The following PDZRN3 variants were observed in gnomAD, a reference collection of about 807,000 sequenced individuals.
PDZRN3 encodes E3 ubiquitin-protein ligase PDZRN3.
Under a neutral mutation model 85.7 loss-of-function variants are expected in PDZRN3, and 38 were observed. The observed-to-expected ratio is 0.44, with a 90% CI of 0.34 to 0.58. The LOEUF (loss-of-function observed/expected upper bound fraction) is 0.58, where lower values mean the gene tolerates loss of function less well. Among genes scored for constraint, PDZRN3 ranks in the 20% least tolerant of loss-of-function variants. The probability of loss-of-function intolerance (pLI) is 0.01; values close to 1 mark genes in which losing one functional copy is unlikely to be tolerated. For synonymous variants in PDZRN3, 759 were observed against 638.0 expected (o/e 1.19, Z -2.86); for missense variants, 1,629 against 1,506.4 (o/e 1.08, Z -1.35).
At chr3:73,547,150 T>G (rs531745205) in intron 3 of PDZRN3, among the ~76,000 whole-genome samples, 1 of 152,190 alleles carries the variant, frequency 6.6e-6, no homozygotes, top group South Asian at 2.1e-4. Context: ...TAATTCATCA[T>G]CCTAGGATAG....
chr3:73,400,871 T>C lies in PDZRN3; in HGVS notation c.1254+51A>G, dbSNP rs776168297. On this transcript the variant is annotated intron_variant, in intron 5 of 9. Coordinates refer to ENST00000263666, the MANE Select transcript of PDZRN3 (RefSeq NM_015009.3). ...TGCTTATAGAGAACTTATTAGGCAT[T>C]CTGTGTTCTTAATAATGACTCCTAA... 33 of 1,261,194 alleles carry C rather than the reference T, an allele frequency of 2.6e-5. No homozygotes were observed. The Admixed American group carries it at 5.4e-4, about 21-fold the overall frequency. 78.1% of individuals were successfully genotyped at this position (1,261,194 alleles called of 1,614,324 possible).
chr3:73,403,381 A>G (rs892740374), intron 4 of PDZRN3, among the ~76,000 whole-genome samples: 2 of 152,170 alleles, frequency 1.3e-5, no homozygotes. Flanking sequence ...CGCTGGTACC[A>G]TTTACTGAGT....
At chr3:73,536,437 C>T (rs1185579650) in intron 3 of PDZRN3, among the ~76,000 whole-genome samples, 1 of 152,184 alleles carries the variant, frequency 6.6e-6, no homozygotes, top group Non-Finnish European at 1.5e-5. Context: ...ATCACTGCTG[C>T]TAAGGCAGAC....
intron 3 of PDZRN3, among the ~76,000 whole-genome samples, chr3:73,523,577 G>A (rs539201211): frequency 1.3e-5 from 2 of 152,022 alleles, no homozygotes; most frequent in Non-Finnish European, 2.9e-5. Flanking sequence ...AAAACCCAAA[G>A]TTTTACTGAG....
chr3:73,465,689 A>G (rs902950093), intron 3 of PDZRN3, among the ~76,000 whole-genome samples: 2 of 152,212 alleles, frequency 1.3e-5, no homozygotes, highest in East Asian at 3.8e-4. Context: ...TCTTTGCCTC[A>G]ATAAAATTAA....
chr3:73,473,608 A>T (rs1176418368), intron 3 of PDZRN3, among the ~76,000 whole-genome samples: 1 of 152,236 alleles, frequency 6.6e-6, no homozygotes, highest in Non-Finnish European at 1.5e-5. Context: ...CATGCTAAGC[A>T]CTTTCATTGA....
At chr3:73,394,369 G>A (rs1470834857) in intron 5 of PDZRN3, among the ~76,000 whole-genome samples, 8 of 152,114 alleles carry the variant, frequency 5.3e-5, no homozygotes, top group African/African-American at 1.7e-4. Flanking sequence ...CCAATGCTGC[G>A]TTTAGCCTTC....
chr3:73,512,483 C>CT (rs1704184875), intron 3 of PDZRN3, among the ~76,000 whole-genome samples: 1 of 152,104 alleles, frequency 6.6e-6, no homozygotes. Flanking sequence ...ACATAAAACC[C>CT]AATGGCAGGC....
chr3:73,552,818 G>A (rs527926467), intron 3 of PDZRN3, among the ~76,000 whole-genome samples: 8 of 152,316 alleles, frequency 5.3e-5, no homozygotes, highest in African/African-American at 1.9e-4. Flanking sequence ...TCTTCAGAAG[G>A]AAGGTAAATA....
At chr3:73,427,407 T>C (rs887382954) in intron 3 of PDZRN3, among the ~76,000 whole-genome samples, 6 of 152,206 alleles carry the variant, frequency 3.9e-5, no homozygotes, top group African/African-American at 9.7e-5. Flanking sequence ...CCCCGAACTG[T>C]TGACGGTATT....
At chr3:73,605,402 G>A (rs1223130860) in intron 2 of PDZRN3, among the ~76,000 whole-genome samples, 2 of 152,162 alleles carry the variant, frequency 1.3e-5, no homozygotes, top group South Asian at 2.1e-4. Context: ...GGTACCTAAC[G>A]ATAAAGTACA....
At position 73,482,896 on chromosome 3, in the gene PDZRN3, ACTG is replaced by A. The variant is rs570177580; in HGVS notation, c.919-78504_919-78502del. On this transcript the variant is annotated intron_variant, in intron 3 of 9. Coordinates refer to ENST00000263666, the MANE Select transcript of PDZRN3 (RefSeq NM_015009.3). ...TGCTTTGGGTCAATCCAAAGAAGGCACTGCTCTCTAGCTTTCATCATTACATAT... is the reference window on the plus strand; with the variant it reads ...TGCTTTGGGTCAATCCAAAGAAGGCACTCTCTAGCTTTCATCATTACATAT... 9.1e-4 allele frequency among the ~76,000 whole-genome samples: 139 copies of A among 152,316 alleles called. 2 individuals carry two copies. Among genetic ancestry groups the A allele is most frequent in the Middle Eastern group, 3.4e-3 (1 of 294 alleles).
rs1262815371 is a variant in PDZRN3, at chr3:73,389,780, G to A, written c.1416+36C>T. 3.5e-6 allele frequency: 5 copies of A among 1,435,796 alleles called. No homozygotes were observed. The Admixed American group carries it at 8.4e-5, about 24-fold the overall frequency. The allele number at this position is 1,435,796 out of a possible 1,614,324, so 88.9% of individuals were successfully genotyped here. ...GAACCAGTTTGTTCTTTAGTGATAG[G>A]CCCATCATGAGGCCATTGTTTGGAA... On this transcript the variant is annotated intron_variant, in intron 7 of 9. Transcript: ENST00000263666.
intron 3 of PDZRN3, among the ~76,000 whole-genome samples, chr3:73,500,770 A>G (rs1030382170): frequency 1.4e-4 from 21 of 152,076 alleles, no homozygotes; most frequent in Non-Finnish European, 2.1e-4. Context: ...ACCTCTGTCC[A>G]CCACACCAAT....
intron 3 of PDZRN3, among the ~76,000 whole-genome samples, chr3:73,502,907 C>G (rs1025065947): frequency 1.8e-4 from 28 of 152,244 alleles, no homozygotes; most frequent in African/African-American, 6.7e-4. Flanking sequence ...GTGTCTTACA[C>G]AAAATACTTT....
chr3:73,463,973 C>T (rs1039795222), intron 3 of PDZRN3, among the ~76,000 whole-genome samples: 1 of 151,966 alleles, frequency 6.6e-6, no homozygotes, highest in Non-Finnish European at 1.5e-5. Flanking sequence ...GCTATGTATT[C>T]TTTTTTATTT....
chr3:73,604,445 C>A (rs1301776037), intron 2 of PDZRN3, among the ~76,000 whole-genome samples: 7 of 152,180 alleles, frequency 4.6e-5, no homozygotes. Context: ...CAAGGTCACA[C>A]AGCTAAAAAG....
chr3:73,579,226 G>A (rs573464339), intron 3 of PDZRN3, among the ~76,000 whole-genome samples: 1 of 152,142 alleles, frequency 6.6e-6, no homozygotes, highest in Non-Finnish European at 1.5e-5. Context: ...TACCATCTTT[G>A]ATGCAGACAG....
chr3:73,467,979 AAG>A (rs1703253895), intron 3 of PDZRN3, among the ~76,000 whole-genome samples: 1 of 152,142 alleles, frequency 6.6e-6, no homozygotes, highest in South Asian at 2.1e-4. Context: ...TTATTGGATA[AAG>A]AGTTTCATTA....
Sources: allele counts gnomAD v4.1 joint callset (sites outside exome capture counted in the v4.1 genomes callset), GRCh38; gene constraint gnomAD v4.1.1; transcripts MANE v1.5; gene names NCBI Gene and HGNC (gene_info 2026-07-23, HGNC 2026-07-21).